ARHGAP36: variants seen among roughly 807,000 people sequenced by gnomAD.
ARHGAP36 encodes the protein rho GTPase-activating protein 36.
In ARHGAP36, 7 loss-of-function variants were observed where a neutral mutation model predicts 32.9. That is an observed-to-expected ratio of 0.21 (90% CI 0.12 to 0.40). ARHGAP36 has a LOEUF of 0.40. Ranked by LOEUF, ARHGAP36 falls within the 10% of genes least tolerant of loss-of-function variation. The pLI, the probability that ARHGAP36 is intolerant of heterozygous loss-of-function variation, is 1.00. For missense variants in ARHGAP36, 383 were observed against 442.2 expected, an observed-to-expected ratio of 0.87 and a Z score of 1.20; for synonymous variants, 165 against 168.3, an observed-to-expected ratio of 0.98 and a Z score of 0.15.
At chrX:131,083,583 G>A (rs1400791266) in intron 3 of ARHGAP36, 151 bp from the exon 4 acceptor site, 3 of 569,704 alleles carry the variant, frequency 5.3e-6, no homozygotes, top group South Asian at 5.6e-5. Context: ...GGGTCTTTTT[G>A]GCTAGCTCCC....
rs147911717 is a variant in ARHGAP36 at position 131,085,033 on chromosome X, T to C, written c.924T>C (p.Asp308=). 1 of 1,211,193 alleles carries C rather than the reference T, an allele frequency of 8.3e-7. No homozygotes were observed. The highest frequency in any genetic ancestry group is 1.1e-6 in the Non-Finnish European group (1 of 895,371). Residue 308 remains aspartate, a synonymous_variant, in exon 7 of 12, where the codon GAT becomes GAC. Coordinates refer to ENST00000276211, the MANE Select transcript of ARHGAP36 (RefSeq NM_144967.4). ...FRDMKDSLLP[D]DLYMSFLLTA... ...ACATGAAGGATTCTCTGCTGCCAGA[T>C]GATCTGTACATGTCATTCCTCCTGA...
chrX:131,064,985 A>AAG (rs34058028), intron 1 of ARHGAP36, among the ~76,000 whole-genome samples: 8,073 of 110,517 alleles, frequency 0.073, 522 homozygotes, highest in African/African-American at 0.2. Flanking sequence ...CTGAACTCCA[A>AAG]AGAGAGAGAG....
chrX:131,067,338 T>G (rs1172454228), intron 1 of ARHGAP36, among the ~76,000 whole-genome samples: 3 of 112,424 alleles, frequency 2.7e-5, no homozygotes, highest in Non-Finnish European at 5.6e-5. Flanking sequence ...CTTTCCAGCT[T>G]ACTCCCACCA....
At chrX:131,069,814 C>T (rs775993367) in intron 1 of ARHGAP36, among the ~76,000 whole-genome samples, 18 of 112,236 alleles carry the variant, frequency 1.6e-4, no homozygotes, top group Non-Finnish European at 2.6e-4. Context: ...GACTTCCTAA[C>T]TCACCTCCAC....
intron 9 of ARHGAP36, 84 bp downstream of exon 9, chrX:131,086,173 G>A: frequency 8.8e-7 from 1 of 1,140,681 alleles, no homozygotes; most frequent in Non-Finnish European, 1.2e-6. Flanking sequence ...GCATCTTTGA[G>A]GGTAGCCAAA....
chrX:131,075,755 G>A (rs2079760268), intron 1 of ARHGAP36, among the ~76,000 whole-genome samples: 1 of 110,227 alleles, frequency 9.1e-6, no homozygotes, highest in African/African-American at 3.3e-5. Context: ...TAGGAAAGAA[G>A]GTAGTCTTGG....
At chrX:131,078,683 C>CT (rs1438236849) in intron 1 of ARHGAP36, 2 of 657,363 alleles carry the variant, frequency 3.0e-6, no homozygotes, top group African/African-American at 4.6e-5. Context: ...TGCTTCTTGT[C>CT]TGGGGACATT....
chrX:131,088,106 G>A (rs752281537), intron 11 of ARHGAP36, among the ~76,000 whole-genome samples: 2 of 112,469 alleles, frequency 1.8e-5, no homozygotes, highest in South Asian at 7.4e-4. Context: ...GTTTCATAAA[G>A]ATGCAGATGT....
In ARHGAP36 at chrX:131,081,619, C is replaced by G; in HGVS notation, c.-47C>G. 1 of 985,282 alleles carries G rather than the reference C, an allele frequency of 1.0e-6. No homozygotes were observed. 81.2% of individuals were successfully genotyped at this position (985,282 alleles called of 1,213,427 possible). On this transcript the variant is annotated 5_prime_UTR_variant, in exon 2 of 12. Transcript: ENST00000276211. ...ACCCCCATAGTTCTCTCCACCAGGT[C>G]CAGTGACAATTGGATGATGCAGCCT...
chrX:131,083,110 G>A, intron 2 of ARHGAP36, 55 bp from the exon 3 acceptor site: 1 of 1,123,429 alleles, frequency 8.9e-7, no homozygotes, highest in Non-Finnish European at 1.2e-6. Context: ...GGATGTTTTA[G>A]TCACTTATTA....
chrX:131,088,796 T>C lies in ARHGAP36; in HGVS notation c.*11T>C. ...TACTTCTTTCCTTAGATGTTTTTCC[T>C]TCTATAAGGTGCCAGACAGGGGAAA... is the stretch of plus-strand genomic sequence containing the variant. On this transcript the variant is annotated 3_prime_UTR_variant, in exon 12 of 12. Coordinates refer to ENST00000276211, the MANE Select transcript of ARHGAP36 (RefSeq NM_144967.4). 8.3e-7 allele frequency: 1 copy of C among 1,199,200 alleles called. No homozygotes were observed.
At chrX:131,085,313 G>A (rs1449960118) in intron 7 of ARHGAP36, among the ~76,000 whole-genome samples, 1 of 107,525 alleles carries the variant, frequency 9.3e-6, no homozygotes, top group African/African-American at 3.4e-5. Context: ...CTGTTGCTTG[G>A]AAATTTCTCT....
At chrX:131,085,522 C>G in intron 7 of ARHGAP36, 66 bp from the exon 8 acceptor site, 1 of 1,130,766 alleles carries the variant, frequency 8.8e-7, no homozygotes, top group Non-Finnish European at 1.2e-6. Flanking sequence ...AGAATCTCAC[C>G]TCCCTTGGTA....
intron 1 of ARHGAP36, among the ~76,000 whole-genome samples, chrX:131,079,562 G>GTTTTTTTTTTTTTGTTTT (rs2079784268): frequency 1.1e-5 from 1 of 93,138 alleles, no homozygotes; most frequent in African/African-American, 4.0e-5. Context: ...TTTGTTTTTT[G>GTTTTTTTTTTTTTGTTTT]TTTTTTTTTT....
At chrX:131,068,832 T>A (rs1282231997) in intron 1 of ARHGAP36, among the ~76,000 whole-genome samples, 1 of 111,508 alleles carries the variant, frequency 9.0e-6, no homozygotes, top group Non-Finnish European at 1.9e-5. Flanking sequence ...GAGAGCTCAC[T>A]CTTTCTCAAA....
In ARHGAP36 at chrX:131,084,609, C is replaced by G. The variant is rs1347856455; in HGVS notation, c.749-17C>G. ...GGGATTCAGAGATGCTTAGCATCCCCTGGTCTTTTCTTTCAGGCTTAAGCG... is the reference window on the plus strand; with the variant it reads ...GGGATTCAGAGATGCTTAGCATCCCGTGGTCTTTTCTTTCAGGCTTAAGCG... On this transcript the variant is annotated splice_polypyrimidine_tract_variant and intron_variant, in intron 5 of 11. Transcript: ENST00000276211. 1 of 1,210,764 alleles carries G rather than the reference C, an allele frequency of 8.3e-7. No individual in the cohort carries two copies. Among genetic ancestry groups the G allele is most frequent in the Non-Finnish European group, 1.1e-6 (1 of 894,793 alleles).
At chrX:131,086,291 T>C in intron 9 of ARHGAP36, 38 bp from the exon 10 acceptor site, 13 of 1,176,652 alleles carry the variant, frequency 1.1e-5, no homozygotes, top group Non-Finnish European at 1.5e-5. Context: ...GAAAAGGTGC[T>C]GTGTAATGAT....
chrX:131,061,731 A>G (rs1211221721), intron 1 of ARHGAP36, among the ~76,000 whole-genome samples: 3 of 111,141 alleles, frequency 2.7e-5, no homozygotes, highest in Non-Finnish European at 5.7e-5. Flanking sequence ...CCATTCACCA[A>G]TGGCAGGACT....
chrX:131,072,266 C>G (rs1210925258), intron 1 of ARHGAP36, among the ~76,000 whole-genome samples: 1 of 111,806 alleles, frequency 8.9e-6, no homozygotes, highest in African/African-American at 3.3e-5. Flanking sequence ...TCTTGCTGAT[C>G]ATTGAACTTT....
Sources: allele counts gnomAD v4.1 joint callset (sites outside exome capture counted in the v4.1 genomes callset), GRCh38; gene constraint gnomAD v4.1.1; transcripts MANE v1.5; gene names NCBI Gene and HGNC (gene_info 2026-07-23, HGNC 2026-07-21).